CAPN9: variants seen among roughly 807,000 people sequenced by gnomAD.
CAPN9 encodes calpain 9, also known as calpain-9.
A neutral mutation model predicts 92.8 loss-of-function variants in CAPN9; 81 were observed. The ratio of observed to expected loss-of-function variants is 0.87; its 90% CI spans 0.73 to 1.05. CAPN9 has a LOEUF of 1.05. Among genes scored for constraint, CAPN9 ranks in the 50% least tolerant of loss-of-function variants. CAPN9 has a pLI of 0.00. For synonymous variants in CAPN9, 304 were observed against 328.0 expected, an observed-to-expected ratio of 0.93 and a Z score of 0.79; for missense variants, 848 against 866.2, an observed-to-expected ratio of 0.98 and a Z score of 0.26.
rs1275542783 is a variant in CAPN9 at position 230,800,231 on chromosome 1, G to GAAAAAGA, written c.2047-1337_2047-1336insAAAGAAA. 1.7e-4 allele frequency among the ~76,000 whole-genome samples: 9 copies of GAAAAAGA among 51,524 alleles called. 1 individual carries two copies. Among genetic ancestry groups the GAAAAAGA allele is most frequent in the African/African-American group, 5.3e-4 (7 of 13,232 alleles). 33.8% of individuals were successfully genotyped at this position (51,524 alleles called of 152,430 possible). A position where few individuals can be genotyped will look rare whatever the true frequency, so the allele number is the denominator to read the frequency against. On this transcript the variant is annotated intron_variant, in intron 19 of 19. Coordinates refer to ENST00000271971, the MANE Select transcript of CAPN9 (RefSeq NM_006615.3). ...AAAAGAAAGAAAAATAAGAAAGAAA[G>GAAAAAGA]AAGAAAGAAAGAAAGAAAGAAAGAA... is the stretch of plus-strand genomic sequence containing the variant.
chr1:230,767,185 A>G (rs1666041022), intron 4 of CAPN9, among the ~76,000 whole-genome samples: 1 of 152,096 alleles, frequency 6.6e-6, no homozygotes, highest in African/African-American at 2.4e-5. Flanking sequence ...CCTAGAAGGG[A>G]GAGCACAACT....
intron 1 of CAPN9, 68 bp from the exon 2 acceptor site, chr1:230,755,269 G>A: frequency 7.8e-7 from 1 of 1,281,274 alleles, no homozygotes; most frequent in East Asian, 2.4e-5. Context: ...GAGAGACCCT[G>A]AGCCTACCCT....
chr1:230,753,704 AGTGGGAAGAG>A (rs1665006622), intron 1 of CAPN9, among the ~76,000 whole-genome samples: 1 of 152,010 alleles, frequency 6.6e-6, no homozygotes, highest in Non-Finnish European at 1.5e-5. Flanking sequence ...TGCCTGGAAA[AGTGGGAAGAG>A]GTGGGAAAAA....
chr1:230,766,048 T>C (rs755749146), intron 4 of CAPN9, among the ~76,000 whole-genome samples: 1 of 152,066 alleles, frequency 6.6e-6, no homozygotes, highest in Non-Finnish European at 1.5e-5. Context: ...GAGCTTTACC[T>C]CTCCGGTCTT....
At chr1:230,781,525 G>A (rs1230411194) in intron 11 of CAPN9, among the ~76,000 whole-genome samples, 3 of 152,176 alleles carry the variant, frequency 2.0e-5, no homozygotes, top group African/African-American at 4.8e-5. Flanking sequence ...GTGTCTTAGC[G>A]AAATTACTTT....
chr1:230,787,592 T>G lies in CAPN9; in HGVS notation c.1589T>G (p.Val530Gly). Residue 530 changes from valine (V) to glycine (G), a missense_variant, in exon 13 of 20, where the codon GTC (valine) becomes GGC (glycine). By Grantham distance (109) the Val-to-Gly change is moderately radical. Transcript: ENST00000271971. ...EQRFRALFEQ[V>G]AGEDMEVTAE... Reference sequence around the variant, plus strand: ...CGGTTTCGGGCTCTGTTTGAACAAGTCGCTGGTGAGGTAGGACATGCCCCA... The same window carrying G: ...CGGTTTCGGGCTCTGTTTGAACAAGGCGCTGGTGAGGTAGGACATGCCCCA... 1 of 1,613,876 alleles carries G rather than the reference T, an allele frequency of 6.2e-7. No individual in the cohort carries two copies. Among genetic ancestry groups the G allele is most frequent in the Non-Finnish European group, 8.5e-7 (1 of 1,179,810 alleles).
rs192911629 is a variant in CAPN9 at position 230,755,333 on chromosome 1, C to T, written c.214-4C>T. The T allele has an allele frequency of 8.3e-5, 134 of 1,609,264 alleles. 1 individual carries two copies. In the East Asian group the frequency reaches 2.1e-3, roughly 26 times the overall value. ...TCAGCCTAATAACACTCTCATTCCT[C>T]CAGGAAATCGTGAAAAACCCAGAAT... On this transcript the variant is annotated splice_polypyrimidine_tract_variant and splice_region_variant and intron_variant, in intron 1 of 19. Transcript: ENST00000271971.
At chr1:230,773,008 TC>T (rs148154999) in intron 7 of CAPN9, among the ~76,000 whole-genome samples, 1 of 152,032 alleles carries the variant, frequency 6.6e-6, no homozygotes, top group African/African-American at 2.4e-5. Context: ...TGAAGCCCTT[TC>T]CTGCCACATC....
chr1:230,749,162 T>C (rs547339626), intron 1 of CAPN9, among the ~76,000 whole-genome samples: 1 of 152,214 alleles, frequency 6.6e-6, no homozygotes, highest in Non-Finnish European at 1.5e-5. Context: ...AGTGGCCCTA[T>C]CGGAGTTGGG....
At chr1:230,780,382 T>C in intron 10 of CAPN9, 46 bp downstream of exon 10, 1 of 1,605,900 alleles carries the variant, frequency 6.2e-7, no homozygotes, top group Non-Finnish European at 8.5e-7. Context: ...ATCTGAGTTC[T>C]AAATTCGCGG....
intron 5 of CAPN9, among the ~76,000 whole-genome samples, chr1:230,768,398 C>T (rs3790964): frequency 0.15 from 22,346 of 152,128 alleles, 1,868 homozygotes; most frequent in East Asian, 0.25. Flanking sequence ...TCCAGCTCCA[C>T]CCTGGGACTG....
In CAPN9 at chr1:230,751,639, GAAA is replaced by G. The variant is rs1664824650; in HGVS notation, c.214-3697_214-3695del. Among the ~76,000 whole-genome samples the G allele has an allele frequency of 2.1e-5, 2 of 97,230 alleles. 1 individual carries two copies. The highest frequency in any genetic ancestry group is 1.0e-4 in the African/African-American group (2 of 19,820). The allele number at this position is 97,230 out of a possible 152,430, so 63.8% of individuals were successfully genotyped here. On this transcript the variant is annotated intron_variant, in intron 1 of 19. Coordinates refer to ENST00000271971, the MANE Select transcript of CAPN9 (RefSeq NM_006615.3). The stretch of plus-strand genomic sequence containing the variant: ...AGAAAGAAAGAAAGAAAGAAAGAAA[GAAA>G]GAAAGAAAGAAAGAAAGAAAGAAAG...
At position 230,791,828 on chromosome 1, in the gene CAPN9, G is replaced by A. The variant is rs769908438; in HGVS notation, c.1658-36G>A. On this transcript the variant is annotated intron_variant, in intron 14 of 19. Transcript: ENST00000271971. Reference sequence around the variant, plus strand: ...GATGGGTACATAGGTTTATCTTATCGGGTCAACTGAATTCAGCTTTCATGT... The same window carrying A: ...GATGGGTACATAGGTTTATCTTATCAGGTCAACTGAATTCAGCTTTCATGT... 20 of 1,560,850 alleles carry A rather than the reference G, an allele frequency of 1.3e-5. No homozygotes were observed. Among genetic ancestry groups the A allele is most frequent in the African/African-American group, 2.7e-5 (2 of 73,740 alleles).
At chr1:230,796,701 T>C (rs1406441032) in intron 18 of CAPN9, among the ~76,000 whole-genome samples, 1 of 152,184 alleles carries the variant, frequency 6.6e-6, no homozygotes, top group African/African-American at 2.4e-5. Context: ...GAATCCGTTA[T>C]TAGACTTACA....
chr1:230,795,611 C>G (rs1668302559), intron 18 of CAPN9: 1 of 244,280 alleles, frequency 4.1e-6, no homozygotes, highest in Non-Finnish European at 8.1e-6. Context: ...ACAGGAGAGT[C>G]TCAGTCCCCC....
Position 230,775,916 on chromosome 1 carries a change from C to CAA in CAPN9, c.953+1302_953+1303dup, listed in dbSNP as rs34406575. Among the ~76,000 whole-genome samples the CAA allele has an allele frequency of 1.8e-3, 200 of 110,534 alleles. 1 individual carries two copies. Among genetic ancestry groups the CAA allele is most frequent in the African/African-American group, 5.7e-3 (183 of 31,828 alleles). 72.5% of individuals were successfully genotyped at this position (110,534 alleles called of 152,430 possible). A position where few individuals can be genotyped will look rare whatever the true frequency, so the allele number is the denominator to read the frequency against. On this transcript the variant is annotated intron_variant, in intron 8 of 19. Coordinates refer to ENST00000271971, the MANE Select transcript of CAPN9 (RefSeq NM_006615.3). ...TGGACAACAGAGTGATACTCCATCTCAAAAAAAAAAAAAAAAAATACTACA... is the reference window on the plus strand; with the variant it reads ...TGGACAACAGAGTGATACTCCATCTCAAAAAAAAAAAAAAAAAAAATACTACA...
intron 8 of CAPN9, chr1:230,777,115 C>T (rs557998577): frequency 2.0e-5 from 3 of 152,344 alleles, no homozygotes; most frequent in Non-Finnish European, 4.4e-5. Flanking sequence ...AGTACCATCA[C>T]AGTAATTGCT....
chr1:230,787,495 G>A, intron 12 of CAPN9, 27 bp from the exon 13 acceptor site: 5 of 1,594,624 alleles, frequency 3.1e-6, no homozygotes, highest in Non-Finnish European at 4.3e-6. Context: ...GGATCATTTT[G>A]TGCAAGTTTC....
At position 230,791,853 on chromosome 1, in the gene CAPN9, T is replaced by G. The variant is rs767692853; in HGVS notation, c.1658-11T>G. On this transcript the variant is annotated splice_polypyrimidine_tract_variant and intron_variant, in intron 14 of 19. Coordinates refer to ENST00000271971, the MANE Select transcript of CAPN9 (RefSeq NM_006615.3). ...GGGTCAACTGAATTCAGCTTTCATG[T>G]GCAATTTCAGAAAAGGACATCAAAT... is the stretch of plus-strand genomic sequence containing the variant. 10 of 1,610,812 alleles carry G rather than the reference T, an allele frequency of 6.2e-6. No homozygotes were observed. The Admixed American group carries it at 1.2e-4, about 19-fold the overall frequency.
Sources: gnomAD v4.1 joint callset for allele counts (sites outside exome capture counted in the v4.1 genomes callset) on GRCh38, gnomAD v4.1.1 for gene constraint, MANE v1.5 for transcripts, NCBI Gene and HGNC (gene_info 2026-07-23, HGNC 2026-07-21) for gene names.